AMOTL1: variants seen among roughly 807,000 people sequenced by gnomAD.
The protein encoded by AMOTL1 is angiomotin like 1, also known as angiomotin-like protein 1.
Under a neutral mutation model 102.9 loss-of-function variants are expected in AMOTL1, and 45 were observed. The observed-to-expected ratio is 0.44, with a 90% CI of 0.34 to 0.56. The LOEUF (loss-of-function observed/expected upper bound fraction) is 0.56, where lower values mean the gene tolerates loss of function less well. Among genes scored for constraint, AMOTL1 ranks in the 20% least tolerant of loss-of-function variants. AMOTL1 has a pLI of 0.01. For missense variants in AMOTL1, 1,114 were observed against 1,225.6 expected (o/e 0.91, Z 1.36); for synonymous variants, 481 against 484.7 (o/e 0.99, Z 0.10).
chr11:94,753,306 CT>C (rs5793697), intron 3 of AMOTL1, among the ~76,000 whole-genome samples: 6,674 of 108,256 alleles, frequency 0.062, 282 homozygotes, highest in African/African-American at 0.17. Context: ...TGCTTTCCTG[CT>C]TTTTTTTTTT....
intron 3 of AMOTL1, among the ~76,000 whole-genome samples, chr11:94,813,897 A>G (rs2135603363): frequency 1.3e-5 from 2 of 152,310 alleles, no homozygotes; most frequent in South Asian, 4.1e-4. Context: ...GCCACAGATT[A>G]CACCACTGCT....
chr11:94,709,410 G>A (rs1451812997), intron 1 of AMOTL1, among the ~76,000 whole-genome samples: 1 of 152,102 alleles, frequency 6.6e-6, no homozygotes, highest in East Asian at 1.9e-4. Context: ...TTTTCATGGT[G>A]TAAATACTCC....
At chr11:94,721,016 G>A (rs1950167221) in intron 1 of AMOTL1, among the ~76,000 whole-genome samples, 1 of 152,096 alleles carries the variant, frequency 6.6e-6, no homozygotes. Context: ...AACATGCTAA[G>A]GGGAAACCTG....
In AMOTL1 at chr11:94,875,613, T is replaced by A. The variant is rs1039170504; in HGVS notation, c.*4818T>A. On this transcript the variant is annotated 3_prime_UTR_variant, in exon 13 of 13. Transcript: ENST00000433060. ...TGTTCCTTTGGTTTACCCTTAGAGA[T>A]GAGAAATCCTCCTCCTTTGAGGATG... The A allele has an allele frequency of 6.7e-6, 1 of 149,054 alleles. No homozygotes were observed. The highest frequency in any genetic ancestry group is 1.5e-5 in the Non-Finnish European group (1 of 68,012). The allele number at this position is 149,054 out of a possible 1,614,324, so 9.2% of individuals were successfully genotyped here.
At chr11:94,783,144 C>T (rs1425657523) in intron 1 of AMOTL1, among the ~76,000 whole-genome samples, 1 of 152,158 alleles carries the variant, frequency 6.6e-6, no homozygotes, top group Admixed American at 6.6e-5. Flanking sequence ...GCCAGGCTAG[C>T]TGGGGTTGAA....
intron 1 of AMOTL1, among the ~76,000 whole-genome samples, chr11:94,773,211 T>G (rs1950979353): frequency 6.6e-6 from 1 of 152,244 alleles, no homozygotes; most frequent in Admixed American, 6.5e-5. Context: ...CAAAAGTTTT[T>G]TATTTTGATA....
chr11:94,785,289 C>T (rs562262475), intron 1 of AMOTL1, among the ~76,000 whole-genome samples: 2 of 152,210 alleles, frequency 1.3e-5, no homozygotes, highest in South Asian at 4.2e-4. Context: ...ATTGAGGGGT[C>T]TTTGGAGGGC....
chr11:94,815,374 T>C (rs1951747697), intron 3 of AMOTL1, among the ~76,000 whole-genome samples: 1 of 152,160 alleles, frequency 6.6e-6, no homozygotes, highest in Non-Finnish European at 1.5e-5. Context: ...TGTCTAATGT[T>C]AAGGTTCTTA....
chr11:94,726,220 G>A (rs1013310753), intron 1 of AMOTL1, among the ~76,000 whole-genome samples: 1 of 152,160 alleles, frequency 6.6e-6, no homozygotes, highest in East Asian at 1.9e-4. Context: ...GTTTTAACAG[G>A]AGAGTTAAAC....
At position 94,859,630 on chromosome 11, in the gene AMOTL1, A is replaced by G. The variant is rs761023025; in HGVS notation, c.2050A>G (p.Met684Val). 4 of 1,613,774 alleles carry G rather than the reference A, an allele frequency of 2.5e-6. No homozygotes were observed. Among genetic ancestry groups the G allele is most frequent in the African/African-American group, 1.3e-5 (1 of 75,054 alleles). The change falls in exon 9 of 13, where the codon ATG becomes GTG. Residue 684 changes from methionine (M) to valine (V), a missense_variant. Coordinates refer to ENST00000433060, the MANE Select transcript of AMOTL1 (RefSeq NM_130847.3). ...GCGGATCCTGGCCCTGGAGGCCGAC[A>G]TGACAAAGTGGGAGCAGAAGTACCT... ...EERILALEAD[M>V]TKWEQKYLEE... is the part of the protein sequence containing the mutation.
intron 9 of AMOTL1, 71 bp from the exon 10 acceptor site, chr11:94,864,664 T>C: frequency 6.4e-7 from 1 of 1,561,224 alleles, no homozygotes; most frequent in South Asian, 1.2e-5. Flanking sequence ...GCCTCTCCAT[T>C]CTGTGTCTGT....
intron 7 of AMOTL1, among the ~76,000 whole-genome samples, chr11:94,850,709 G>A (rs1952518390): frequency 6.6e-6 from 1 of 152,204 alleles, no homozygotes; most frequent in Admixed American, 6.5e-5. Context: ...AGGAGCAGAG[G>A]CCTAGCCAGG....
At chr11:94,850,701 G>A (rs958558711) in intron 7 of AMOTL1, among the ~76,000 whole-genome samples, 2 of 152,208 alleles carry the variant, frequency 1.3e-5, no homozygotes, top group Non-Finnish European at 1.5e-5. Context: ...AGAAGAAAAG[G>A]AGCAGAGGCC....
At chr11:94,717,644 C>T (rs1950116361) in intron 1 of AMOTL1, among the ~76,000 whole-genome samples, 1 of 151,684 alleles carries the variant, frequency 6.6e-6, no homozygotes, top group Non-Finnish European at 1.5e-5. Flanking sequence ...TAGAAAATAA[C>T]TTTTTAAGCA....
At chr11:94,819,141 T>C (rs1951818233) in intron 3 of AMOTL1, among the ~76,000 whole-genome samples, 1 of 152,224 alleles carries the variant, frequency 6.6e-6, no homozygotes, top group Non-Finnish European at 1.5e-5. Context: ...AGACAAAACC[T>C]GAGACCAGAG....
At chr11:94,835,029 A>G (rs1020542262) in intron 6 of AMOTL1, among the ~76,000 whole-genome samples, 8 of 152,336 alleles carry the variant, frequency 5.3e-5, no homozygotes, top group East Asian at 1.9e-4. Context: ...AGATTTGTCT[A>G]TACAAAAAAT....
In AMOTL1 at chr11:94,720,441, G is replaced by A. The variant is rs188289264; in HGVS notation, c.-50-8480G>A. On this transcript the variant is annotated intron_variant, in intron 1 of 4. Coordinates refer to the AMOTL1 transcript ENST00000299004. Reference sequence around the variant, plus strand: ...CACAGTTATTTTGAGATCTCTCACCGGAGTCTTTCAAACGTCTTTCATCTG... The same window carrying A: ...CACAGTTATTTTGAGATCTCTCACCAGAGTCTTTCAAACGTCTTTCATCTG... Among the ~76,000 whole-genome samples the A allele has an allele frequency of 1.7e-3, 254 of 152,114 alleles. 1 individual carries two copies. Among genetic ancestry groups the A allele is most frequent in the South Asian group, 0.016 (78 of 4,824 alleles).
intron 6 of AMOTL1, among the ~76,000 whole-genome samples, chr11:94,841,095 G>T (rs1022465452): frequency 1.3e-5 from 2 of 151,978 alleles, no homozygotes; most frequent in Admixed American, 1.3e-4. Flanking sequence ...GTCCAGGAGG[G>T]TCTTACTTTG....
chr11:94,776,495 C>T (rs1293245210), intron 1 of AMOTL1, among the ~76,000 whole-genome samples: 1 of 152,222 alleles, frequency 6.6e-6, no homozygotes, highest in Non-Finnish European at 1.5e-5. Context: ...TCCCTGCTTC[C>T]TCCCACCTTT....
Sources: gnomAD v4.1 joint callset for allele counts (sites outside exome capture counted in the v4.1 genomes callset) on GRCh38, gnomAD v4.1.1 for gene constraint, MANE v1.5 for transcripts, NCBI Gene and HGNC (gene_info 2026-07-23, HGNC 2026-07-21) for gene names.